Variants in SPIN1 observed in about 807,000 individuals in gnomAD.
SPIN1 encodes spindlin 1.
A neutral mutation model predicts 26.0 loss-of-function variants in SPIN1; 3 were observed. The observed-to-expected ratio is 0.12, with a 90% confidence interval of 0.05 to 0.30. The LOEUF is 0.30. SPIN1 is among the 10% of genes least tolerant of loss of function. The pLI is 1.00. For missense variants in SPIN1, 126 were observed against 333.4 expected (o/e 0.38, Z 4.84); for synonymous variants, 101 against 116.5 (o/e 0.87, Z 0.86).
chr9:88,435,667 C>T (rs1269840742), intron 2 of SPIN1, among the ~76,000 whole-genome samples: 3 of 152,066 alleles, frequency 2.0e-5, no homozygotes, highest in Non-Finnish European at 4.4e-5. Context: ...TTCTTTATTA[C>T]TTGCATAAGG....
chr9:88,403,367 G>A (rs967627348), intron 1 of SPIN1, among the ~76,000 whole-genome samples: 1 of 152,108 alleles, frequency 6.6e-6, no homozygotes, highest in African/African-American at 2.4e-5. Flanking sequence ...GATACCTTTT[G>A]CTTTATACAT....
intron 2 of SPIN1, among the ~76,000 whole-genome samples, chr9:88,448,253 G>A (rs7039089): frequency 0.08 from 12,190 of 152,004 alleles, 1,551 homozygotes; most frequent in African/African-American, 0.27. Context: ...CATCTTGGCC[G>A]GGCTGGTCTC....
intron 2 of SPIN1, among the ~76,000 whole-genome samples, chr9:88,436,574 G>C (rs935519648): frequency 1.2e-4 from 19 of 152,076 alleles, no homozygotes; most frequent in Non-Finnish European, 2.1e-4. Flanking sequence ...AAAATCCCTT[G>C]TTTTCCCATT....
At chr9:88,449,036 G>T (rs773053223) in intron 3 of SPIN1, 47 bp downstream of exon 3, 2 of 1,590,556 alleles carry the variant, frequency 1.3e-6, no homozygotes. Flanking sequence ...GTGACCTTTT[G>T]TTACGCAGCA....
chr9:88,458,587 G>A (rs1019695160), intron 3 of SPIN1, among the ~76,000 whole-genome samples: 13 of 152,078 alleles, frequency 8.5e-5, no homozygotes, highest in Non-Finnish European at 7.4e-5. Flanking sequence ...AGGGAGCAGC[G>A]ACAACGAAAA....
chr9:88,395,749 A>T (rs1318167161), intron 1 of SPIN1, among the ~76,000 whole-genome samples: 1 of 151,886 alleles, frequency 6.6e-6, no homozygotes, highest in African/African-American at 2.4e-5. Context: ...AATACAGCCT[A>T]AAAAAATTAC....
chr9:88,400,938 G>T (rs1339312951), intron 1 of SPIN1, among the ~76,000 whole-genome samples: 3 of 152,110 alleles, frequency 2.0e-5, no homozygotes, highest in Non-Finnish European at 4.4e-5. Flanking sequence ...AGTTGAGCTG[G>T]GGAAGTCGAG....
chr9:88,449,093 C>T, intron 3 of SPIN1, 104 bp downstream of exon 3: 1 of 1,036,508 alleles, frequency 9.6e-7, no homozygotes, highest in Admixed American at 1.8e-5. Flanking sequence ...TCGAGGGCTT[C>T]CTAGCTCATA....
At chr9:88,468,817 G>A (rs1309237070) in intron 5 of SPIN1, among the ~76,000 whole-genome samples, 2 of 152,056 alleles carry the variant, frequency 1.3e-5, no homozygotes, top group Non-Finnish European at 2.9e-5. Flanking sequence ...CTTGGCTTCT[G>A]TAATAAGATA....
In SPIN1 at chr9:88,430,939, A is replaced by G. The variant is rs1031296540; in HGVS notation, c.52+4348A>G. On this transcript the variant is annotated intron_variant, in intron 2 of 5. Coordinates refer to ENST00000375859, the MANE Select transcript of SPIN1 (RefSeq NM_006717.3). ...CTCTTGTTGCCCAGGCTGGAGTGCA[A>G]TGGCACGATCTTGGCTTACTGCAAC... 8.7e-5 allele frequency among the ~76,000 whole-genome samples: 13 copies of G among 150,018 alleles called. No individual in the cohort carries two copies. The East Asian group carries it at 2.0e-3, about 23-fold the overall frequency.
chr9:88,414,517 C>G (rs73500216), intron 1 of SPIN1, among the ~76,000 whole-genome samples: 1 of 152,182 alleles, frequency 6.6e-6, no homozygotes, highest in Non-Finnish European at 1.5e-5. Flanking sequence ...CAGTTTGATG[C>G]CTAAGGACCA....
chr9:88,452,829 C>T (rs965357827), intron 3 of SPIN1, among the ~76,000 whole-genome samples: 3 of 152,112 alleles, frequency 2.0e-5, no homozygotes, highest in African/African-American at 4.8e-5. Flanking sequence ...TTTGATTTAA[C>T]CAGTCTTTTC....
At position 88,477,834 on chromosome 9, in the gene SPIN1, G is replaced by C. The variant is rs1330514846; in HGVS notation, c.*2557G>C. The C allele has an allele frequency of 6.6e-6, 1 of 152,174 alleles. No homozygotes were observed. Among genetic ancestry groups the C allele is most frequent in the Admixed American group, 6.6e-5 (1 of 15,246 alleles). 9.4% of individuals were successfully genotyped at this position (152,174 alleles called of 1,614,324 possible). A position where few individuals can be genotyped will look rare whatever the true frequency, so the allele number is the denominator to read the frequency against. ...CTCATTTACCTGCTCTAGTATTATT[G>C]TATTGTGTGTGCGTGCGTGTGTGAT... On this transcript the variant is annotated 3_prime_UTR_variant, in exon 6 of 6. Transcript: ENST00000375859.
At chr9:88,422,256 G>GT (rs1827684173) in intron 1 of SPIN1, among the ~76,000 whole-genome samples, 1 of 152,078 alleles carries the variant, frequency 6.6e-6, no homozygotes, top group Non-Finnish European at 1.5e-5. Context: ...AATATTTTCC[G>GT]TAACACTTGA....
rs959993637 is a variant in SPIN1 at position 88,457,926 on chromosome 9, A to G, written c.102-4570A>G. Reference sequence around the variant, plus strand: ...CAAAATGAAAATACCAATTTGTAACAAAAGTCTACATTTCAGCAATGCAGT... The same window carrying G: ...CAAAATGAAAATACCAATTTGTAACGAAAGTCTACATTTCAGCAATGCAGT... On this transcript the variant is annotated intron_variant, in intron 3 of 5. Transcript: ENST00000375859. 3.0e-6 allele frequency: 3 copies of G among 985,336 alleles called. No homozygotes were observed. In the African/African-American group the frequency reaches 5.2e-5, roughly 17 times the overall value. The allele number at this position is 985,336 out of a possible 1,614,324, so 61.0% of individuals were successfully genotyped here. A position where few individuals can be genotyped will look rare whatever the true frequency, so the allele number is the denominator to read the frequency against.
At chr9:88,421,708 T>G (rs1427676341) in intron 1 of SPIN1, among the ~76,000 whole-genome samples, 1 of 151,338 alleles carries the variant, frequency 6.6e-6, no homozygotes, top group East Asian at 2.0e-4. Context: ...TGTCTACCAT[T>G]TTTCTTTTTT....
At chr9:88,449,923 T>C (rs1208676743) in intron 3 of SPIN1, among the ~76,000 whole-genome samples, 1 of 152,158 alleles carries the variant, frequency 6.6e-6, no homozygotes. Context: ...GCCTCTTGGC[T>C]CTCAGGGAAG....
chr9:88,453,370 A>G (rs1008565360), intron 3 of SPIN1, among the ~76,000 whole-genome samples: 14 of 152,212 alleles, frequency 9.2e-5, no homozygotes, highest in African/African-American at 1.9e-4. Context: ...TGCAGCATCA[A>G]TTTGGCACTT....
intron 2 of SPIN1, among the ~76,000 whole-genome samples, chr9:88,444,181 C>T (rs1361909043): frequency 6.7e-6 from 1 of 149,222 alleles, no homozygotes; most frequent in Non-Finnish European, 1.5e-5. Context: ...AGATTCTCTT[C>T]ATTTATTTTT....
Sources: allele counts gnomAD v4.1 joint callset (sites outside exome capture counted in the v4.1 genomes callset), GRCh38; gene constraint gnomAD v4.1.1; transcripts MANE v1.5; gene names NCBI Gene and HGNC (gene_info 2026-07-23, HGNC 2026-07-21).